HGF: variants seen among roughly 807,000 people sequenced by gnomAD.
The protein encoded by HGF is fibroblast-derived tumor cytotoxic factor.
In HGF, 39 loss-of-function variants were observed where a neutral mutation model predicts 111.6. That is an observed-to-expected ratio of 0.35 (90% CI 0.27 to 0.46). The LOEUF is 0.46. Ranked by LOEUF, HGF falls within the 20% of genes least tolerant of loss-of-function variation. The pLI is 1.00. For missense variants in HGF, 735 were observed against 910.5 expected, an observed-to-expected ratio of 0.81 and a Z score of 2.48; for synonymous variants, 285 against 294.8, an observed-to-expected ratio of 0.97 and a Z score of 0.34.
At chr7:81,743,508 G>A (rs2116026700) in intron 6 of HGF, 37 bp from the exon 7 acceptor site, 3 of 1,296,360 alleles carry the variant, frequency 2.3e-6, no homozygotes, top group Non-Finnish European at 3.4e-6. Context: ...ACGTAAATCT[G>A]CCTGGAAACA....
At chr7:81,712,183 C>G (rs1480578606) in intron 11 of HGF, among the ~76,000 whole-genome samples, 1 of 152,114 alleles carries the variant, frequency 6.6e-6, no homozygotes, top group East Asian at 1.9e-4. Context: ...GTCCAACATC[C>G]TACACCATGA....
At chr7:81,743,329 G>T in intron 7 of HGF, 24 bp downstream of exon 7, 2 of 1,297,566 alleles carry the variant, frequency 1.5e-6, no homozygotes, top group Non-Finnish European at 2.2e-6. Context: ...GGAAAAGGAA[G>T]CAATAAATTT....
intron 7 of HGF, among the ~76,000 whole-genome samples, chr7:81,735,033 G>A (rs752967750): frequency 2.6e-5 from 4 of 152,008 alleles, no homozygotes; most frequent in Non-Finnish European, 4.4e-5. Context: ...ACTTTATGAA[G>A]GTCCCTCGGG....
intron 1 of HGF, among the ~76,000 whole-genome samples, chr7:81,765,435 A>G (rs1326684646): frequency 3.9e-5 from 6 of 152,134 alleles, no homozygotes; most frequent in Non-Finnish European, 8.8e-5. Context: ...CATTTTGAAA[A>G]ACAAATAAAT....
chr7:81,729,832 G>A (rs919839274), intron 7 of HGF, 53 bp from the exon 8 acceptor site: 7 of 1,551,556 alleles, frequency 4.5e-6, no homozygotes, highest in Non-Finnish European at 8.8e-7. Flanking sequence ...CTTTGAAGAT[G>A]TCATTTGCCT....
At chr7:81,740,835 A>T (rs914710535) in intron 7 of HGF, among the ~76,000 whole-genome samples, 1 of 152,208 alleles carries the variant, frequency 6.6e-6, no homozygotes, top group African/African-American at 2.4e-5. Context: ...TGAGGTAGGC[A>T]CCTTGATCAG....
intron 7 of HGF, chr7:81,742,997 C>T (rs1362849862): frequency 6.4e-7 from 1 of 1,550,460 alleles, no homozygotes; most frequent in African/African-American, 1.4e-5. Context: ...AGGTAAGGAA[C>T]TAAGGTCCTA....
intron 13 of HGF, among the ~76,000 whole-genome samples, chr7:81,709,104 A>T (rs528106910): frequency 5.9e-5 from 9 of 152,288 alleles, no homozygotes; most frequent in African/African-American, 1.9e-4. Flanking sequence ...ACTGTGATTT[A>T]ATAATAGTAA....
chr7:81,764,005 A>G (rs1412523741), intron 1 of HGF, among the ~76,000 whole-genome samples: 1 of 152,164 alleles, frequency 6.6e-6, no homozygotes. Flanking sequence ...GAAATATGGC[A>G]TGTAACACTT....
At chr7:81,752,979 C>G (rs763769593) in intron 4 of HGF, among the ~76,000 whole-genome samples, 1 of 152,060 alleles carries the variant, frequency 6.6e-6, no homozygotes, top group African/African-American at 2.4e-5. Flanking sequence ...ATTAAGCACA[C>G]TCCACTTTGT....
chr7:81,734,872 CAA>C (rs1787775601), intron 7 of HGF, among the ~76,000 whole-genome samples: 1 of 152,050 alleles, frequency 6.6e-6, no homozygotes, highest in Non-Finnish European at 1.5e-5. Context: ...CCAGATTTCC[CAA>C]TGGAGACAAG....
rs772377219 is a variant in HGF, at chr7:81,758,810, A to T, written c.255-6T>A. On this transcript the variant is annotated splice_polypyrimidine_tract_variant and splice_region_variant and intron_variant, in intron 2 of 17. Coordinates refer to ENST00000222390, the MANE Select transcript of HGF (RefSeq NM_000601.6). ...CTTTATCAAAAACAAAAGCCCTGAAAAAAATATCAGAATGAAAAGAAGAAA... is the reference window on the plus strand; with the variant it reads ...CTTTATCAAAAACAAAAGCCCTGAATAAAATATCAGAATGAAAAGAAGAAA... The T allele has an allele frequency of 1.9e-6, 3 of 1,567,752 alleles. No homozygotes were observed. In the East Asian group the frequency reaches 6.7e-5, roughly 35 times the overall value.
At chr7:81,703,181 CT>C (rs975420433) in intron 17 of HGF, among the ~76,000 whole-genome samples, 2 of 150,660 alleles carry the variant, frequency 1.3e-5, no homozygotes, top group African/African-American at 4.9e-5. Flanking sequence ...AAGAAAATAA[CT>C]TGTAATCATA....
chr7:81,748,295 C>T (rs1165668701), intron 5 of HGF, among the ~76,000 whole-genome samples: 1 of 152,136 alleles, frequency 6.6e-6, no homozygotes, highest in Non-Finnish European at 1.5e-5. Flanking sequence ...AACTTGCTCT[C>T]CTGTTGAAGT....
chr7:81,712,838 A>G (rs901007256), intron 11 of HGF, among the ~76,000 whole-genome samples: 5 of 152,222 alleles, frequency 3.3e-5, no homozygotes, highest in African/African-American at 1.2e-4. Context: ...TGTGAGAATT[A>G]ATATATACTT....
In HGF at chr7:81,729,688, G is replaced by C. The variant is rs747664002; in HGVS notation, c.957C>G (p.Thr319=). Residue 319 remains threonine (T), a synonymous_variant, in exon 8 of 18, where the codon ACC becomes ACG. Coordinates refer to ENST00000222390, the MANE Select transcript of HGF (RefSeq NM_000601.6). ...GCTGACATGGAATTCCATTCCAAAT[G>C]GTATTGACAGTGCCCCTGTAGCCTT... ...QGEGYRGTVN[T]IWNGIPCQRW... is the part of the protein sequence containing the mutation. 2 of 1,613,174 alleles carry C rather than the reference G, an allele frequency of 1.2e-6. No individual in the cohort carries two copies. Among genetic ancestry groups the C allele is most frequent in the Admixed American group, 1.7e-5 (1 of 59,990 alleles).
At chr7:81,725,804 T>C in intron 9 of HGF, 86 bp downstream of exon 9, 1 of 1,443,076 alleles carries the variant, frequency 6.9e-7, no homozygotes, top group Non-Finnish European at 9.8e-7. Context: ...CAGCAAGAAG[T>C]AGATCTTATG....
chr7:81,757,882 T>C (rs1021327374), intron 3 of HGF, among the ~76,000 whole-genome samples: 7 of 152,018 alleles, frequency 4.6e-5, no homozygotes, highest in African/African-American at 1.7e-4. Flanking sequence ...AGAAGACAGT[T>C]TGAAGTAAGA....
At chr7:81,741,202 A>G (rs1336748208) in intron 7 of HGF, among the ~76,000 whole-genome samples, 1 of 152,198 alleles carries the variant, frequency 6.6e-6, no homozygotes, top group Non-Finnish European at 1.5e-5. Context: ...CTATCCTTTA[A>G]TAAAATATTT....
Sources: gnomAD v4.1 joint callset for allele counts (sites outside exome capture counted in the v4.1 genomes callset) on GRCh38, gnomAD v4.1.1 for gene constraint, MANE v1.5 for transcripts, NCBI Gene and HGNC (gene_info 2026-07-23, HGNC 2026-07-21) for gene names.